Variants in MAD1L1 observed in about 807,000 individuals in gnomAD.
MAD1L1 encodes the protein mitotic arrest deficient 1 like 1.
Under a neutral mutation model 96.9 loss-of-function variants are expected in MAD1L1, and 95 were observed. That is an observed-to-expected ratio of 0.98 (90% CI 0.83 to 1.16). MAD1L1 has a LOEUF of 1.16. Ranked by LOEUF, MAD1L1 falls within the 50% of genes most tolerant of loss-of-function variation. MAD1L1 has a pLI of 0.00. For synonymous variants in MAD1L1, 473 were observed against 396.6 expected (o/e 1.19, Z -2.29); for missense variants, 1,007 against 954.4 (o/e 1.06, Z -0.73).
intron 16 of MAD1L1, among the ~76,000 whole-genome samples, chr7:1,954,430 G>A (rs1214971211): frequency 2.0e-5 from 3 of 152,130 alleles, no homozygotes; most frequent in Non-Finnish European, 4.4e-5. Context: ...CCGGGAGCCA[G>A]AAGAGAACAA....
intron 12 of MAD1L1, among the ~76,000 whole-genome samples, chr7:2,065,737 G>A (rs1013481089): frequency 3.9e-5 from 6 of 152,192 alleles, no homozygotes; most frequent in Admixed American, 1.3e-4. Flanking sequence ...GTCCGACGCC[G>A]CTGGACACCC....
intron 14 of MAD1L1, among the ~76,000 whole-genome samples, chr7:1,981,240 G>C (rs914201064): frequency 5.3e-5 from 8 of 152,216 alleles, no homozygotes; most frequent in African/African-American, 1.7e-4. Context: ...GTGCTGGGAT[G>C]ACAAGCGTGA....
intron 11 of MAD1L1, among the ~76,000 whole-genome samples, chr7:2,138,563 TAGG>T (rs1226649683): frequency 6.6e-6 from 1 of 152,128 alleles, no homozygotes; most frequent in East Asian, 1.9e-4. Flanking sequence ...TCCGGCTTGT[TAGG>T]AGAAGTCAGC....
At chr7:2,141,959 AGCCATCACCG>A (rs1418904267) in intron 11 of MAD1L1, among the ~76,000 whole-genome samples, 1 of 152,228 alleles carries the variant, frequency 6.6e-6, no homozygotes, top group East Asian at 1.9e-4. Context: ...TCGCCGGGGC[AGCCATCACCG>A]GCCAGCAGGT....
chr7:2,221,719 T>G (rs1793618833), intron 5 of MAD1L1, among the ~76,000 whole-genome samples: 1 of 152,208 alleles, frequency 6.6e-6, no homozygotes, highest in South Asian at 2.1e-4. Context: ...ATCAGATGCC[T>G]GTAGACCTTG....
chr7:2,072,756 C>T (rs1467113411), intron 11 of MAD1L1, among the ~76,000 whole-genome samples: 1 of 152,182 alleles, frequency 6.6e-6, no homozygotes, highest in African/African-American at 2.4e-5. Flanking sequence ...AGGCATCTGG[C>T]CAGAGAGAAG....
intron 18 of MAD1L1, among the ~76,000 whole-genome samples, chr7:1,893,492 T>G (rs1786677484): frequency 6.6e-6 from 1 of 152,078 alleles, no homozygotes; most frequent in Admixed American, 6.6e-5. Context: ...TTTGGCGAGA[T>G]CTTTCAGGAG....
In MAD1L1 at chr7:2,183,916, T is replaced by A. The variant is rs572333804; in HGVS notation, c.986+29296A>T. Reference sequence around the variant, plus strand: ...TTAAAGTATAATAATAATAAAAAAATAAAAATAAAAATAAAAATAAAAAAC... The same window carrying A: ...TTAAAGTATAATAATAATAAAAAAAAAAAAATAAAAATAAAAATAAAAAAC... On this transcript the variant is annotated intron_variant, in intron 10 of 18. Coordinates refer to ENST00000265854, the MANE Select transcript of MAD1L1 (RefSeq NM_001013836.2). 8.6e-3 allele frequency among the ~76,000 whole-genome samples: 1,296 copies of A among 150,814 alleles called. 21 individuals carry two copies. The highest frequency in any genetic ancestry group is 0.03 in the African/African-American group (1,225 of 41,104).
At chr7:2,073,063 T>G (rs973119078) in intron 11 of MAD1L1, among the ~76,000 whole-genome samples, 1 of 152,136 alleles carries the variant, frequency 6.6e-6, no homozygotes, top group Non-Finnish European at 1.5e-5. Context: ...TGGCCTGAGC[T>G]GCTTCCCTCA....
At chr7:1,862,238 C>T (rs1168629601) in intron 18 of MAD1L1, among the ~76,000 whole-genome samples, 2 of 152,204 alleles carry the variant, frequency 1.3e-5, no homozygotes, top group African/African-American at 4.8e-5. Context: ...AGCAGCACCC[C>T]GGGCCTCTGC....
rs942551709 is a variant in MAD1L1, at chr7:2,217,893, G to T, written c.678+69C>A. 9 of 1,343,502 alleles carry T rather than the reference G, an allele frequency of 6.7e-6. No individual in the cohort carries two copies. The African/African-American group carries it at 8.6e-5, about 13-fold the overall frequency. The allele number at this position is 1,343,502 out of a possible 1,614,324, so 83.2% of individuals were successfully genotyped here. On this transcript the variant is annotated intron_variant, in intron 7 of 18. Transcript: ENST00000265854. ...CGGAGCTCGGCACCAGCGCAGAAAG[G>T]CCGACAGGGGCAGGAGAGTCAAGGC...
At chr7:2,135,303 C>G (rs1174263574) in intron 11 of MAD1L1, among the ~76,000 whole-genome samples, 1 of 152,198 alleles carries the variant, frequency 6.6e-6, no homozygotes, top group Non-Finnish European at 1.5e-5. Context: ...TGGACGCAGA[C>G]ACGAGATGCT....
At chr7:2,010,857 G>A (rs1266166454) in intron 13 of MAD1L1, among the ~76,000 whole-genome samples, 1 of 152,212 alleles carries the variant, frequency 6.6e-6, no homozygotes, top group Admixed American at 6.5e-5. Context: ...AGCTTCCAGG[G>A]AAGGCTTGCG....
chr7:1,818,825 G>C (rs1781969776), intron 18 of MAD1L1, among the ~76,000 whole-genome samples: 1 of 150,478 alleles, frequency 6.6e-6, no homozygotes, highest in South Asian at 2.1e-4. Flanking sequence ...GGCTCTGGAA[G>C]AATGATGCCC....
At chr7:1,860,850 G>A (rs1784510523) in intron 18 of MAD1L1, among the ~76,000 whole-genome samples, 1 of 152,226 alleles carries the variant, frequency 6.6e-6, no homozygotes, top group African/African-American at 2.4e-5. Context: ...ACAGCTCAAG[G>A]CTGCCCTGGG....
At chr7:2,079,969 C>G in intron 11 of MAD1L1, 1 of 337,060 alleles carries the variant, frequency 3.0e-6, no homozygotes, top group South Asian at 2.3e-5. Context: ...CTGGACACAT[C>G]TACCGTCTCC....
chr7:1,966,825 G>A (rs961772977), intron 15 of MAD1L1, among the ~76,000 whole-genome samples: 9 of 152,262 alleles, frequency 5.9e-5, no homozygotes, highest in Non-Finnish European at 8.8e-5. Flanking sequence ...GGCGAGGGCC[G>A]CGGGCCGCGC....
Position 1,823,934 on chromosome 7 carries a change from G to A in MAD1L1, c.1999-7706C>T, listed in dbSNP as rs751631310. On this transcript the variant is annotated intron_variant, in intron 18 of 18. Transcript: ENST00000265854. Reference sequence around the variant, plus strand: ...ATTGGTGTGCTGCAAGCGCCGCTCCGGAGCAGGGCTCTGTGTGGGGAGAGG... The same window carrying A: ...ATTGGTGTGCTGCAAGCGCCGCTCCAGAGCAGGGCTCTGTGTGGGGAGAGG... 2.0e-4 allele frequency among the ~76,000 whole-genome samples: 30 copies of A among 152,200 alleles called. 1 individual carries two copies. Among genetic ancestry groups the A allele is most frequent in the Non-Finnish European group, 2.6e-4 (18 of 68,022 alleles).
rs753461846 is a variant in MAD1L1 at position 1,898,249 on chromosome 7, C to G, written c.1949G>C (p.Arg650Pro). ...QIDITTENQY[R>P]LTSLYAEHPG... is the part of the protein sequence containing the mutation. Reference sequence around the variant, plus strand: ...GTGCTCGGCGTACAGCGAGGTCAGCCGGTACTGGTTCTCCGTGGTGATGTC... The same window carrying G: ...GTGCTCGGCGTACAGCGAGGTCAGCGGGTACTGGTTCTCCGTGGTGATGTC... The change falls in exon 18 of 19, where the codon CGG becomes CCG. Residue 650 changes from arginine (R) to proline (P), a missense_variant. Physicochemically the swap from Arg to Pro is moderately radical, Grantham distance 103. Transcript: ENST00000265854. 1 of 1,614,008 alleles carries G rather than the reference C, an allele frequency of 6.2e-7. No homozygotes were observed. The highest frequency in any genetic ancestry group is 1.7e-5 in the Admixed American group (1 of 59,996).
Sources: gnomAD v4.1 joint callset for allele counts (sites outside exome capture counted in the v4.1 genomes callset) on GRCh38, gnomAD v4.1.1 for gene constraint, MANE v1.5 for transcripts, NCBI Gene and HGNC (gene_info 2026-07-23, HGNC 2026-07-21) for gene names.